The following ZFP82 variants were observed in gnomAD, a reference collection of about 807,000 sequenced individuals.
The protein encoded by ZFP82 is zinc finger protein 82 homolog.
ZFP82 carries 30 observed loss-of-function variants against 54.0 expected under a neutral mutation model. That is an observed-to-expected ratio of 0.56 (90% CI 0.42 to 0.75). ZFP82 has a LOEUF of 0.75. Ranked by LOEUF, ZFP82 falls within the 30% of genes least tolerant of loss-of-function variation. The probability of loss-of-function intolerance (pLI) is 0.00; values close to 1 mark genes in which losing one functional copy is unlikely to be tolerated. For synonymous variants in ZFP82, 194 were observed against 209.5 expected (o/e 0.93, Z 0.64); for missense variants, 500 against 636.8 (o/e 0.79, Z 2.31).
exon 2 of ZFP82, chr19:36,383,629 C>G (rs928967740): frequency 7.2e-5 from 11 of 151,936 alleles, no homozygotes; most frequent in African/African-American, 2.4e-4. Context: ...AAAATTATAT[C>G]TATTTGCAGT....
At chr19:36,398,348 C>G (rs1189278312) in intron 4 of ZFP82, among the ~76,000 whole-genome samples, 1 of 152,066 alleles carries the variant, frequency 6.6e-6, no homozygotes, top group Non-Finnish European at 1.5e-5. Context: ...ACCTGCCTGG[C>G]CAATATTGTG....
chr19:36,385,631 G>A (rs2032107028), downstream of ZFP82, among the ~76,000 whole-genome samples: 1 of 152,194 alleles, frequency 6.6e-6, no homozygotes, highest in Non-Finnish European at 1.5e-5. Flanking sequence ...TACTTCAGTG[G>A]TTGTGATCAG....
At chr19:36,417,258 G>A (rs1356247164) in intron 1 of ZFP82, among the ~76,000 whole-genome samples, 2 of 151,910 alleles carry the variant, frequency 1.3e-5, no homozygotes, top group African/African-American at 4.8e-5. Context: ...CATAACTAAG[G>A]TTTATTAAGT....
At chr19:36,406,179 A>T (rs933902058) in intron 3 of ZFP82, among the ~76,000 whole-genome samples, 3 of 152,190 alleles carry the variant, frequency 2.0e-5, no homozygotes, top group Non-Finnish European at 4.4e-5. Context: ...TTTCTGGGAC[A>T]TGTATTATTT....
At position 36,409,841 on chromosome 19, in the gene ZFP82, A is replaced by G; in HGVS notation, c.-52T>C. The G allele has an allele frequency of 1.2e-6, 2 of 1,605,202 alleles. No individual in the cohort carries two copies. The highest frequency in any genetic ancestry group is 1.7e-6 in the Non-Finnish European group (2 of 1,172,252). On this transcript the variant is annotated 5_prime_UTR_variant, in exon 2 of 5. Transcript: ENST00000392161. ...TCCTCCTTGGGGTTTACTTGCCAGGAGAAGCACCGAGTCCACAGAGGCTGA... is the reference window on the plus strand; with the variant it reads ...TCCTCCTTGGGGTTTACTTGCCAGGGGAAGCACCGAGTCCACAGAGGCTGA...
chr19:36,408,824 A>C (rs2032529175), intron 2 of ZFP82, among the ~76,000 whole-genome samples: 1 of 152,230 alleles, frequency 6.6e-6, no homozygotes, highest in Admixed American at 6.5e-5. Context: ...TCTCAAAAAA[A>C]AACAAACAAA....
At position 36,392,944 on chromosome 19, in the gene ZFP82, T is replaced by G; in HGVS notation, c.1396A>C (p.Thr466Pro). 2 of 1,613,954 alleles carry G rather than the reference T, an allele frequency of 1.2e-6. No homozygotes were observed. Among genetic ancestry groups the G allele is most frequent in the Non-Finnish European group, 1.7e-6 (2 of 1,179,940 alleles). ...GKAFRLRQKL[T>P]LHQSIHTGEK... is the part of the protein sequence containing the mutation. ...CCAGTATGAATGCTCTGATGTAGAG[T>G]AAGTTTTTGGCGCAATCTAAAGGCC... The change falls in exon 5 of 5, where the codon ACT becomes CCT. Residue 466 changes from threonine to proline, a missense_variant. By Grantham distance (38) the Thr-to-Pro change is conservative. Coordinates refer to ENST00000392161, the MANE Select transcript of ZFP82 (RefSeq NM_133466.4).
Position 36,392,586 on chromosome 19 carries a change from G to A in ZFP82, c.*155C>T. On this transcript the variant is annotated 3_prime_UTR_variant, in exon 5 of 5. Transcript: ENST00000392161. ...TAGTTTTTAGAACAAATATGCTGAA[G>A]TTTCAGGTTTGAGTGATGATGGACT... The A allele has an allele frequency of 1.6e-6, 1 of 611,830 alleles. No individual in the cohort carries two copies. Among genetic ancestry groups the A allele is most frequent in the Non-Finnish European group, 2.6e-6 (1 of 378,284 alleles). 37.9% of individuals were successfully genotyped at this position (611,830 alleles called of 1,614,324 possible).
intron 3 of ZFP82, among the ~76,000 whole-genome samples, chr19:36,406,818 T>C (rs918036455): frequency 6.6e-6 from 1 of 152,182 alleles, no homozygotes; most frequent in African/African-American, 2.4e-5. Flanking sequence ...TTATTTTGTC[T>C]TTTGACTAAT....
intron 4 of ZFP82, among the ~76,000 whole-genome samples, chr19:36,402,270 C>T (rs1214166840): frequency 1.3e-5 from 2 of 151,960 alleles, no homozygotes. Context: ...AGATCAAGAC[C>T]ATCCTGGCTA....
At chr19:36,400,740 C>T (rs959291400) in intron 4 of ZFP82, among the ~76,000 whole-genome samples, 2 of 152,176 alleles carry the variant, frequency 1.3e-5, no homozygotes, top group African/African-American at 4.8e-5. Flanking sequence ...AGCACACAAA[C>T]ATGCCCTAAT....
rs770885531 is a variant in ZFP82, at chr19:36,388,956, T to C, written c.*3785A>G. Among the ~76,000 whole-genome samples the C allele has an allele frequency of 9.2e-5, 14 of 152,220 alleles. No individual in the cohort carries two copies. The highest frequency in any genetic ancestry group is 2.1e-4 in the Non-Finnish European group (14 of 68,032). On this transcript the variant is annotated 3_prime_UTR_variant, in exon 5 of 5. Transcript: ENST00000392161. ...TTAAATTTTCTACCAAGTAGAGCTTTGGTTGGTGATTTCCCCCAAGTTATC... is the reference window on the plus strand; with the variant it reads ...TTAAATTTTCTACCAAGTAGAGCTTCGGTTGGTGATTTCCCCCAAGTTATC...
chr19:36,408,041 T>A, intron 2 of ZFP82, 28 bp from the exon 3 acceptor site: 1 of 1,604,260 alleles, frequency 6.2e-7, no homozygotes, highest in Non-Finnish European at 8.5e-7. Flanking sequence ...ACATTATAAA[T>A]GAAATGGAAG....
intron 4 of ZFP82, among the ~76,000 whole-genome samples, chr19:36,398,578 A>G (rs2032334898): frequency 6.6e-6 from 1 of 152,080 alleles, no homozygotes; most frequent in African/African-American, 2.4e-5. Context: ...ATATGGGGAA[A>G]TCTATTAAGA....
chr19:36,400,171 CT>C (rs1015329739), intron 4 of ZFP82, among the ~76,000 whole-genome samples: 2 of 152,092 alleles, frequency 1.3e-5, no homozygotes, highest in African/African-American at 2.4e-5. Context: ...TAGAAAAGTC[CT>C]TTTTTTGATC....
chr19:36,409,698 C>A (rs1404101033), intron 2 of ZFP82, 83 bp downstream of exon 2: 1 of 1,475,926 alleles, frequency 6.8e-7, no homozygotes, highest in Non-Finnish European at 9.4e-7. Flanking sequence ...GGATGGAGCT[C>A]TGATAGTAAG....
chr19:36,415,536 C>T (rs1005557679), intron 1 of ZFP82, among the ~76,000 whole-genome samples: 9 of 151,974 alleles, frequency 5.9e-5, no homozygotes, highest in African/African-American at 1.7e-4. Context: ...TACAGGCAGG[C>T]GCCACTGTGC....
chr19:36,410,534 C>CTCTT (rs2032561362), intron 1 of ZFP82, among the ~76,000 whole-genome samples: 1 of 151,734 alleles, frequency 6.6e-6, no homozygotes, highest in African/African-American at 2.4e-5. Flanking sequence ...TGGAGTCTTG[C>CTCTT]TCTTATTGCC....
chr19:36,400,222 T>G (rs1331634629), intron 4 of ZFP82, among the ~76,000 whole-genome samples: 1 of 152,176 alleles, frequency 6.6e-6, no homozygotes, highest in Non-Finnish European at 1.5e-5. Context: ...TAAATGTGAT[T>G]CCTCTTTGCA....
Sources: gnomAD v4.1 joint callset for allele counts (sites outside exome capture counted in the v4.1 genomes callset) on GRCh38, gnomAD v4.1.1 for gene constraint, MANE v1.5 for transcripts, NCBI Gene and HGNC (gene_info 2026-07-23, HGNC 2026-07-21) for gene names.